Variants in KHDRBS2 observed in about 807,000 individuals in gnomAD.
The protein encoded by KHDRBS2 is KH domain-containing, RNA-binding, signal transduction-associated protein 2.
In KHDRBS2, 26 loss-of-function variants were observed where a neutral mutation model predicts 44.3. The ratio of observed to expected loss-of-function variants is 0.59; its 90% CI spans 0.43 to 0.81. The LOEUF (loss-of-function observed/expected upper bound fraction) is 0.81. KHDRBS2 is among the 40% of genes least tolerant of loss of function. The probability of loss-of-function intolerance (pLI) is 0.00; values close to 1 mark genes in which losing one functional copy is unlikely to be tolerated. For synonymous variants in KHDRBS2, 194 were observed against 151.1 expected, an observed-to-expected ratio of 1.28 and a Z score of -2.08; for missense variants, 476 against 433.1, an observed-to-expected ratio of 1.10 and a Z score of -0.88.
At chr6:61,795,144 C>CAA (rs1166333660) in intron 6 of KHDRBS2, among the ~76,000 whole-genome samples, 52 of 59,638 alleles carry the variant, frequency 8.7e-4, no homozygotes, top group Non-Finnish European at 1.2e-3. Flanking sequence ...GACTCCGTCT[C>CAA]AAAAAAAAAA....
At chr6:61,581,170 T>A in the KHDRBS2 span, among the ~76,000 whole-genome samples, 1 of 152,152 alleles carries the variant, frequency 6.6e-6, no homozygotes, top group South Asian at 2.1e-4. Flanking sequence ...AAACCATAGG[T>A]AGATTTTGCC....
chr6:61,676,063 C>T (rs1765918195), downstream of KHDRBS2, among the ~76,000 whole-genome samples: 1 of 151,702 alleles, frequency 6.6e-6, no homozygotes, highest in African/African-American at 2.4e-5. Context: ...TGCCATGAAC[C>T]CATATGGGAC....
chr6:62,181,694 C>CA (rs1426173342), intron 1 of KHDRBS2, among the ~76,000 whole-genome samples: 2 of 151,912 alleles, frequency 1.3e-5, no homozygotes, highest in Non-Finnish European at 2.9e-5. Context: ...TTTGTGCCCC[C>CA]ACCAAATTCA....
At chr6:62,052,408 T>A (rs567450223) in intron 2 of KHDRBS2, among the ~76,000 whole-genome samples, 1 of 151,410 alleles carries the variant, frequency 6.6e-6, no homozygotes, top group South Asian at 2.1e-4. Flanking sequence ...CATTTATATA[T>A]GGAATCTGAA....
the KHDRBS2 span, among the ~76,000 whole-genome samples, chr6:61,545,707 T>G: frequency 6.6e-5 from 10 of 152,000 alleles, no homozygotes; most frequent in Non-Finnish European, 1.2e-4. Flanking sequence ...ACCCCAAAAT[T>G]TACTATGTTG....
chr6:62,070,755 T>A, intron 2 of KHDRBS2, among the ~76,000 whole-genome samples: 1 of 152,164 alleles, frequency 6.6e-6, no homozygotes, highest in East Asian at 1.9e-4. Flanking sequence ...GACATTTGGG[T>A]TGGTTCCAAG....
chr6:62,129,447 C>A (rs1164679627), intron 2 of KHDRBS2, among the ~76,000 whole-genome samples: 2 of 152,012 alleles, frequency 1.3e-5, no homozygotes, highest in East Asian at 3.9e-4. Context: ...TACATAAATG[C>A]AACTATATTT....
intron 2 of KHDRBS2, among the ~76,000 whole-genome samples, chr6:62,052,526 AC>A (rs1789295796): frequency 6.7e-6 from 1 of 150,286 alleles, no homozygotes; most frequent in Admixed American, 6.7e-5. Flanking sequence ...AAGTCTAGAG[AC>A]AGAGTGTACA....
intron 2 of KHDRBS2, among the ~76,000 whole-genome samples, chr6:62,114,606 G>A (rs187915035): frequency 6.6e-6 from 1 of 151,974 alleles, no homozygotes; most frequent in African/African-American, 2.4e-5. Context: ...CAGAAATCTT[G>A]GTATTATAAA....
intron 5 of KHDRBS2, among the ~76,000 whole-genome samples, chr6:61,899,027 C>G (rs569109183): frequency 6.6e-6 from 1 of 151,780 alleles, no homozygotes; most frequent in African/African-American, 2.4e-5. Context: ...TTCATAAATC[C>G]CTTTTTACTT....
chr6:61,595,157 A>G, the KHDRBS2 span, among the ~76,000 whole-genome samples: 5 of 152,144 alleles, frequency 3.3e-5, no homozygotes, highest in African/African-American at 1.2e-4. Context: ...GTTTTTCATT[A>G]GTGACTTTTG....
intron 2 of KHDRBS2, among the ~76,000 whole-genome samples, chr6:62,137,145 C>T (rs879629638): frequency 2.6e-5 from 4 of 151,700 alleles, no homozygotes; most frequent in African/African-American, 4.8e-5. Flanking sequence ...GGACTACAGG[C>T]ACCCGCCACC....
chr6:61,840,948 T>C (rs1793508295), intron 6 of KHDRBS2, among the ~76,000 whole-genome samples: 1 of 152,240 alleles, frequency 6.6e-6, no homozygotes, highest in African/African-American at 2.4e-5. Context: ...GGAGGCCAAC[T>C]GTTTCATGTG....
At chr6:62,020,886 C>T (rs954723977) in intron 3 of KHDRBS2, among the ~76,000 whole-genome samples, 1 of 151,978 alleles carries the variant, frequency 6.6e-6, no homozygotes, top group Non-Finnish European at 1.5e-5. Context: ...TGGATATACA[C>T]CCAAAATAAT....
At chr6:61,867,617 T>G (rs1281736902) in intron 6 of KHDRBS2, among the ~76,000 whole-genome samples, 1 of 152,220 alleles carries the variant, frequency 6.6e-6, no homozygotes, top group Non-Finnish European at 1.5e-5. Flanking sequence ...ATGTTGCTGA[T>G]CTTTGGATGG....
chr6:61,957,690 C>G (rs1767712817), intron 4 of KHDRBS2, among the ~76,000 whole-genome samples: 1 of 152,164 alleles, frequency 6.6e-6, no homozygotes, highest in African/African-American at 2.4e-5. Flanking sequence ...CCTGAAACTT[C>G]ATTAGCAATT....
chr6:61,597,773 T>TATATATATAAAC, the KHDRBS2 span, among the ~76,000 whole-genome samples: 1 of 42,354 alleles, frequency 2.4e-5, no homozygotes, highest in East Asian at 1.0e-3. Flanking sequence ...TATATATATA[T>TATATATATAAAC]ACACCAAGAT....
chr6:61,917,902 G>T (rs942533300), intron 4 of KHDRBS2, among the ~76,000 whole-genome samples: 1 of 151,920 alleles, frequency 6.6e-6, no homozygotes, highest in Non-Finnish European at 1.5e-5. Flanking sequence ...GCCTATTCAA[G>T]ATTTAAAAAG....
intron 2 of KHDRBS2, among the ~76,000 whole-genome samples, chr6:62,157,682 ATAT>A (rs1562970484): frequency 1.3e-5 from 2 of 152,164 alleles, no homozygotes; most frequent in Non-Finnish European, 2.9e-5. Context: ...TCATTATTTA[ATAT>A]TATATGTAGA....
Sources: gnomAD v4.1 joint callset for allele counts (sites outside exome capture counted in the v4.1 genomes callset) on GRCh38, gnomAD v4.1.1 for gene constraint, MANE v1.5 for transcripts, NCBI Gene and HGNC (gene_info 2026-07-23, HGNC 2026-07-21) for gene names.